Variants in KCNH1 observed in about 807,000 individuals in gnomAD.
KCNH1 encodes potassium voltage-gated channel subfamily H member 1, also known as voltage-gated delayed rectifier potassium channel KCNH1.
In KCNH1, 27 loss-of-function variants were observed where a neutral mutation model predicts 69.2. The observed-to-expected ratio is 0.39, with a 90% confidence interval of 0.29 to 0.54. The LOEUF (loss-of-function observed/expected upper bound fraction) is 0.54, where lower values mean the gene tolerates loss of function less well. Among genes scored for constraint, KCNH1 ranks in the 20% least tolerant of loss-of-function variants. The pLI, the probability that KCNH1 is intolerant of heterozygous loss-of-function variation, is 0.68. For synonymous variants in KCNH1, 456 were observed against 487.7 expected (o/e 0.93, Z 0.86); for missense variants, 798 against 1,261.6 (o/e 0.63, Z 5.57).
At chr1:211,041,120 G>T (rs1689987390) in intron 5 of KCNH1, among the ~76,000 whole-genome samples, 1 of 152,192 alleles carries the variant, frequency 6.6e-6, no homozygotes, top group Non-Finnish European at 1.5e-5. Context: ...TGAAAGGGAA[G>T]TCTAAACACA....
chr1:210,738,921 A>G (rs986035745), intron 10 of KCNH1, among the ~76,000 whole-genome samples: 9 of 152,198 alleles, frequency 5.9e-5, no homozygotes, highest in African/African-American at 2.2e-4. Flanking sequence ...TTCTGTGAGC[A>G]GCTTTACCTC....
intron 5 of KCNH1, among the ~76,000 whole-genome samples, chr1:211,077,904 A>T (rs1014209180): frequency 6.6e-6 from 1 of 151,888 alleles, no homozygotes; most frequent in Non-Finnish European, 1.5e-5. Context: ...AAATAAAGGG[A>T]TGGAGGAAGA....
intron 8 of KCNH1, among the ~76,000 whole-genome samples, chr1:210,800,731 T>C (rs1684411456): frequency 6.6e-6 from 1 of 151,754 alleles, no homozygotes; most frequent in East Asian, 1.9e-4. Flanking sequence ...CCCGGCCACC[T>C]TTCCTACTGC....
chr1:210,988,611 A>C (rs1161574140), intron 6 of KCNH1, among the ~76,000 whole-genome samples: 1 of 152,218 alleles, frequency 6.6e-6, no homozygotes, highest in African/African-American at 2.4e-5. Flanking sequence ...CATATTTGAA[A>C]GTATTGCCCC....
At chr1:210,939,083 G>A (rs896917998) in intron 6 of KCNH1, among the ~76,000 whole-genome samples, 1 of 152,080 alleles carries the variant, frequency 6.6e-6, no homozygotes, top group Non-Finnish European at 1.5e-5. Flanking sequence ...GGCGGAGCTG[G>A]ACATGCCCTC....
At chr1:210,834,685 TAA>T (rs55784518) in intron 7 of KCNH1, among the ~76,000 whole-genome samples, 2 of 142,834 alleles carry the variant, frequency 1.4e-5, no homozygotes, top group Admixed American at 7.0e-5. Context: ...AAAGTATAAT[TAA>T]AAAAAAAAAA....
At chr1:210,885,721 C>A (rs1033689812) in intron 7 of KCNH1, among the ~76,000 whole-genome samples, 2 of 152,126 alleles carry the variant, frequency 1.3e-5, no homozygotes, top group African/African-American at 4.8e-5. Context: ...GAGGCGTCCA[C>A]CATTACTGAG....
chr1:210,979,834 T>C (rs2102376155), intron 6 of KCNH1, among the ~76,000 whole-genome samples: 1 of 152,340 alleles, frequency 6.6e-6, no homozygotes, highest in Non-Finnish European at 1.5e-5. Context: ...AACCATTAAG[T>C]GCTAATGAAT....
intron 6 of KCNH1, among the ~76,000 whole-genome samples, chr1:211,013,682 C>G (rs1441642344): frequency 2.0e-5 from 3 of 152,276 alleles, no homozygotes; most frequent in African/African-American, 7.2e-5. Context: ...TCTGCAAAAC[C>G]GGGATAATAC....
intron 10 of KCNH1, among the ~76,000 whole-genome samples, chr1:210,715,914 G>A (rs1019783757): frequency 1.3e-5 from 2 of 152,212 alleles, no homozygotes; most frequent in East Asian, 1.9e-4. Context: ...ACAAAAGAAC[G>A]AAGACTTCAG....
intron 6 of KCNH1, among the ~76,000 whole-genome samples, chr1:210,982,741 T>A (rs577714049): frequency 6.6e-6 from 1 of 152,334 alleles, no homozygotes; most frequent in South Asian, 2.1e-4. Flanking sequence ...CGTGTGCATG[T>A]GTCTTTATAG....
At chr1:210,785,166 G>T (rs1192472237) in intron 9 of KCNH1, among the ~76,000 whole-genome samples, 5 of 152,170 alleles carry the variant, frequency 3.3e-5, no homozygotes, top group Non-Finnish European at 7.3e-5. Context: ...GGAGAGGCAA[G>T]GCTAGGCAGG....
intron 7 of KCNH1, among the ~76,000 whole-genome samples, chr1:210,823,140 C>T (rs1684963665): frequency 6.6e-6 from 1 of 152,128 alleles, no homozygotes; most frequent in Admixed American, 6.6e-5. Flanking sequence ...CTCTGGGCCA[C>T]CTCAGAAACT....
At position 211,025,385 on chromosome 1, in the gene KCNH1, G is replaced by C. The variant is rs138685205; in HGVS notation, c.559-6129C>G. Among the ~76,000 whole-genome samples the C allele has an allele frequency of 8.9e-4, 135 of 152,184 alleles. 1 individual carries two copies. The highest frequency in any genetic ancestry group is 3.1e-3 in the African/African-American group (130 of 41,516). On this transcript the variant is annotated intron_variant, in intron 5 of 10. Transcript: ENST00000271751. ...GTGTCAGTGTGCATCTTTGGGTAGA[G>C]GAACACTTTCCACCCCTCTTACCAA... is the stretch of plus-strand genomic sequence containing the variant.
intron 6 of KCNH1, among the ~76,000 whole-genome samples, chr1:210,957,226 G>C (rs1162008827): frequency 6.6e-6 from 1 of 152,168 alleles, no homozygotes; most frequent in Admixed American, 6.5e-5. Flanking sequence ...GTGAAGTCTT[G>C]AGTGAGTTTC....
chr1:210,953,863 T>C (rs970970425), intron 6 of KCNH1, among the ~76,000 whole-genome samples: 5 of 152,156 alleles, frequency 3.3e-5, no homozygotes, highest in African/African-American at 1.2e-4. Flanking sequence ...CAGTTCTCCT[T>C]ATTCTTTCCT....
chr1:210,889,187 A>G lies in KCNH1; in HGVS notation c.1462+30453T>C, dbSNP rs148442012. On this transcript the variant is annotated intron_variant, in intron 7 of 10. Coordinates refer to ENST00000271751, the MANE Select transcript of KCNH1 (RefSeq NM_172362.3). ...ACTGGCAAACTGAATCCAGCAGCAC[A>G]TCAAAAAGCTTCTCCACCACGATCA... 9.3e-3 allele frequency among the ~76,000 whole-genome samples: 1,414 copies of G among 152,312 alleles called. 27 individuals carry two copies. The highest frequency in any genetic ancestry group is 0.033 in the African/African-American group (1,360 of 41,568).
At chr1:210,928,499 T>C (rs1403460491) in intron 6 of KCNH1, among the ~76,000 whole-genome samples, 1 of 152,152 alleles carries the variant, frequency 6.6e-6, no homozygotes, top group Non-Finnish European at 1.5e-5. Flanking sequence ...GAAGGAAATT[T>C]AAAAATTCTT....
At chr1:210,684,539 T>G (rs1239762593) in intron 10 of KCNH1, among the ~76,000 whole-genome samples, 1 of 152,152 alleles carries the variant, frequency 6.6e-6, no homozygotes, top group Admixed American at 6.5e-5. Context: ...CTTTCAAATA[T>G]CACTTTTCTG....
Sources: allele counts gnomAD v4.1 joint callset (sites outside exome capture counted in the v4.1 genomes callset), GRCh38; gene constraint gnomAD v4.1.1; transcripts MANE v1.5; gene names NCBI Gene and HGNC (gene_info 2026-07-23, HGNC 2026-07-21).